Variants in LIPN observed in about 807,000 individuals in gnomAD.
LIPN encodes the protein lipase family member N.
In LIPN, 32 loss-of-function variants were observed where a neutral mutation model predicts 43.7. That is an observed-to-expected ratio of 0.73 (90% CI 0.55 to 0.98). The LOEUF is 0.98. Ranked by LOEUF, LIPN falls within the 50% of genes least tolerant of loss-of-function variation. LIPN has a pLI of 0.00. For synonymous variants in LIPN, 156 were observed against 157.6 expected (o/e 0.99, Z 0.08); for missense variants, 505 against 483.8 (o/e 1.04, Z -0.41).
At chr10:88,757,435 A>G (rs1461502566), upstream of LIPN, among the ~76,000 whole-genome samples, 2 of 152,158 alleles carry the variant, frequency 1.3e-5, no homozygotes, top group Non-Finnish European at 2.9e-5. Context: ...TTTAAATGTA[A>G]GTGATCTTTC....
At chr10:88,777,390 C>T (rs1413139899) in intron 9 of LIPN, among the ~76,000 whole-genome samples, 1 of 151,952 alleles carries the variant, frequency 6.6e-6, no homozygotes, top group African/African-American at 2.4e-5. Flanking sequence ...ATTTCTATGG[C>T]TTATCTAGAT....
intron 4 of LIPN, among the ~76,000 whole-genome samples, chr10:88,765,536 T>G (rs973904059): frequency 4.6e-5 from 7 of 151,928 alleles, no homozygotes; most frequent in African/African-American, 1.4e-4. Context: ...ACATGTTCTT[T>G]TAATAAACAG....
At position 88,778,147 on chromosome 10, in the gene LIPN, T is replaced by C. The variant is rs1382207431; in HGVS notation, c.1102T>C (p.Leu368=). ...QIKSLHYFKL[L]PDWNHFDFVW... is the part of the protein sequence containing the mutation. The stretch of plus-strand genomic sequence containing the variant: ...CAAGAGTCTTCATTACTTTAAGCTA[T>C]TGCCAGATTGGAACCACTTTGATTT... The change falls in exon 10 of 10, where the codon TTG becomes CTG. Residue 368 remains leucine (L), a synonymous_variant. Transcript: ENST00000404459. The C allele has an allele frequency of 6.2e-7, 1 of 1,613,582 alleles. No individual in the cohort carries two copies. The highest frequency in any genetic ancestry group is 8.5e-7 in the Non-Finnish European group (1 of 1,179,718).
intron 5 of LIPN, 60 bp from the exon 6 acceptor site, chr10:88,768,732 G>T: frequency 6.7e-7 from 1 of 1,494,000 alleles, no homozygotes; most frequent in South Asian, 1.2e-5. Flanking sequence ...CCCCAATTTT[G>T]TTAGAAACAC....
intron 7 of LIPN, among the ~76,000 whole-genome samples, chr10:88,771,744 CTTT>C (rs34229714): frequency 6.9e-6 from 1 of 145,370 alleles, no homozygotes; most frequent in African/African-American, 2.5e-5. Context: ...GATTGATTTC[CTTT>C]TTTTTTTTTT....
At chr10:88,775,035 G>C (rs1387118987) in intron 8 of LIPN, 57 bp from the exon 9 acceptor site, 3 of 1,225,018 alleles carry the variant, frequency 2.4e-6, no homozygotes, top group East Asian at 2.6e-5. Context: ...AAAATTTGCT[G>C]TTAGCTTTCA....
intron 5 of LIPN, among the ~76,000 whole-genome samples, chr10:88,767,679 A>C (rs1331705455): frequency 1.7e-5 from 2 of 116,102 alleles, no homozygotes; most frequent in African/African-American, 6.7e-5. Context: ...AAAAAAAAAA[A>C]AAAAAAAAAA....
In LIPN at chr10:88,778,383, T is replaced by G. The variant is rs1843332664; in HGVS notation, c.*141T>G. 1.6e-6 allele frequency: 1 copy of G among 619,960 alleles called. No individual in the cohort carries two copies. Among genetic ancestry groups the G allele is most frequent in the Admixed American group, 2.8e-5 (1 of 35,126 alleles). The allele number at this position is 619,960 out of a possible 1,614,324, so 38.4% of individuals were successfully genotyped here. On this transcript the variant is annotated 3_prime_UTR_variant, in exon 10 of 10. Coordinates refer to ENST00000404459, the MANE Select transcript of LIPN (RefSeq NM_001102469.2). ...GAGTCTGTTTTCCAAGTCAATTGTG[T>G]TAGTGTTATTTATGTTTAGAGACAT...
At chr10:88,766,488 C>T (rs757910138) in intron 5 of LIPN, 110 bp downstream of exon 5, 10 of 738,662 alleles carry the variant, frequency 1.4e-5, no homozygotes, top group Non-Finnish European at 2.2e-5. Context: ...TTATAGTGCC[C>T]TCAATTCCCT....
intron 1 of LIPN, among the ~76,000 whole-genome samples, chr10:88,760,709 C>G (rs1842982894): frequency 6.6e-6 from 1 of 152,066 alleles, no homozygotes; most frequent in African/African-American, 2.4e-5. Context: ...AGAGACAAAG[C>G]TACTAAAACA....
intron 7 of LIPN, among the ~76,000 whole-genome samples, chr10:88,772,308 AG>A (rs1233947739): frequency 2.0e-5 from 3 of 151,818 alleles, no homozygotes; most frequent in Non-Finnish European, 4.4e-5. Flanking sequence ...TGTGCATTTG[AG>A]GGCTTACCTC....
At chr10:88,769,671 A>C in intron 6 of LIPN, 2 of 647,040 alleles carry the variant, frequency 3.1e-6, no homozygotes, top group Non-Finnish European at 3.8e-6. Context: ...TTAGAATATC[A>C]AAATAATTCA....
chr10:88,777,978 C>T (rs771672705), intron 9 of LIPN, 31 bp from the exon 10 acceptor site: 2 of 1,430,774 alleles, frequency 1.4e-6, no homozygotes, highest in African/African-American at 1.4e-5. Flanking sequence ...GGAGCTTCCT[C>T]TCATGAATGC....
chr10:88,777,256 G>T (rs1843310636), intron 9 of LIPN, among the ~76,000 whole-genome samples: 1 of 151,922 alleles, frequency 6.6e-6, no homozygotes, highest in Admixed American at 6.6e-5. Context: ...GTTTGTGATT[G>T]TTCCTTTTGT....
intron 9 of LIPN, among the ~76,000 whole-genome samples, chr10:88,776,710 T>A (rs1252019646): frequency 6.6e-6 from 1 of 152,116 alleles, no homozygotes; most frequent in African/African-American, 2.4e-5. Flanking sequence ...CACCAGTGTT[T>A]TCTCATCTGG....
At chr10:88,769,751 A>G (rs568261161) in intron 6 of LIPN, 1 of 168,716 alleles carries the variant, frequency 5.9e-6, no homozygotes, top group Admixed American at 6.6e-5. Context: ...GTGAGCTAAC[A>G]CAAGGAATAA....
chr10:88,767,211 A>G (rs902355396), intron 5 of LIPN, among the ~76,000 whole-genome samples: 4 of 151,940 alleles, frequency 2.6e-5, no homozygotes, highest in African/African-American at 9.7e-5. Flanking sequence ...CATTATCACC[A>G]CTATCATCAG....
In LIPN at chr10:88,768,782, G is replaced by A; in HGVS notation, c.536-10G>A. The stretch of plus-strand genomic sequence containing the variant: ...TTTTTACAAGATTGTCTTATCTCCT[G>A]TTCTCTCAGGGTTTGTAGCCTTTTC... On this transcript the variant is annotated splice_polypyrimidine_tract_variant and intron_variant, in intron 5 of 9. Transcript: ENST00000404459. The A allele has an allele frequency of 1.2e-6, 2 of 1,608,506 alleles. No individual in the cohort carries two copies. Among genetic ancestry groups the A allele is most frequent in the Non-Finnish European group, 8.5e-7 (1 of 1,177,232 alleles).
intron 3 of LIPN, among the ~76,000 whole-genome samples, chr10:88,763,378 A>T (rs1843035198): frequency 6.6e-6 from 1 of 152,104 alleles, no homozygotes; most frequent in African/African-American, 2.4e-5. Flanking sequence ...AGGAGCTGTG[A>T]AATATAAAAG....
Sources: gnomAD v4.1 joint callset for allele counts (sites outside exome capture counted in the v4.1 genomes callset) on GRCh38, gnomAD v4.1.1 for gene constraint, MANE v1.5 for transcripts, NCBI Gene and HGNC (gene_info 2026-07-23, HGNC 2026-07-21) for gene names.